SH2D4A: variants seen among roughly 807,000 people sequenced by gnomAD.
The protein encoded by SH2D4A is SH2 domain containing 4A, also known as SH2 domain-containing protein 4A.
SH2D4A carries 70 observed loss-of-function variants against 64.7 expected under a neutral mutation model. The observed-to-expected ratio is 1.08, with a 90% CI of 0.89 to 1.32. SH2D4A has a LOEUF of 1.32. Ranked by LOEUF, SH2D4A falls within the 40% of genes most tolerant of loss-of-function variation. The probability of loss-of-function intolerance (pLI) is 0.00; values close to 1 mark genes in which losing one functional copy is unlikely to be tolerated. For missense variants in SH2D4A, 706 were observed against 540.1 expected (o/e 1.31, Z -3.04); for synonymous variants, 268 against 200.7 (o/e 1.34, Z -2.83).
At chr8:19,325,561 C>CT (rs111494283) in intron 2 of SH2D4A, among the ~76,000 whole-genome samples, 4 of 152,150 alleles carry the variant, frequency 2.6e-5, no homozygotes, top group African/African-American at 9.7e-5. Context: ...TGGCGAACAT[C>CT]TTTTTTGGGT....
Position 19,326,953 on chromosome 8 carries a change from G to A in SH2D4A, c.182-6002G>A, listed in dbSNP as rs562262331. Among the ~76,000 whole-genome samples, 10 of 152,300 alleles carry A rather than the reference G, an allele frequency of 6.6e-5. No individual in the cohort carries two copies. In the East Asian group the frequency reaches 1.5e-3, roughly 24 times the overall value. ...ATCCAACTCAACAGTGCTGTGAGTG[G>A]CATCATGCTGCAATCTAGGACTGGA... On this transcript the variant is annotated intron_variant, in intron 2 of 9. Transcript: ENST00000265807.
chr8:19,319,384 G>C lies in SH2D4A; in HGVS notation c.-164G>C, dbSNP rs73667637. 4.7e-6 allele frequency: 6 copies of C among 1,278,712 alleles called. No individual in the cohort carries two copies. Among genetic ancestry groups the C allele is most frequent in the Non-Finnish European group, 5.9e-6 (6 of 1,011,340 alleles). The allele number at this position is 1,278,712 out of a possible 1,614,324, so 79.2% of individuals were successfully genotyped here. The stretch of plus-strand genomic sequence containing the variant: ...TTTTGGACAGGACATTTGGTGCCAG[G>C]TCTGAGTAGCCAGTTTGCTGAATTA... On this transcript the variant is annotated 5_prime_UTR_variant, in exon 2 of 10. Transcript: ENST00000265807.
At chr8:19,315,047 C>T (rs1467090082) in intron 1 of SH2D4A, among the ~76,000 whole-genome samples, 1 of 149,236 alleles carries the variant, frequency 6.7e-6, no homozygotes, top group Non-Finnish European at 1.5e-5. Flanking sequence ...TTTATTAGGT[C>T]GGTGCAAAAG....
At chr8:19,351,351 C>T (rs896396332) in intron 4 of SH2D4A, among the ~76,000 whole-genome samples, 1 of 152,106 alleles carries the variant, frequency 6.6e-6, no homozygotes, top group African/African-American at 2.4e-5. Flanking sequence ...TGCCTGTAAT[C>T]CCAGCACTTT....
chr8:19,381,589 T>C (rs184451749), intron 8 of SH2D4A, among the ~76,000 whole-genome samples: 30 of 152,346 alleles, frequency 2.0e-4, no homozygotes, highest in African/African-American at 7.2e-4. Flanking sequence ...CATAGACGAT[T>C]GTATCATCTG....
At chr8:19,389,736 G>A (rs1022231467) in intron 8 of SH2D4A, among the ~76,000 whole-genome samples, 43 of 152,128 alleles carry the variant, frequency 2.8e-4, no homozygotes, top group African/African-American at 8.2e-4. Context: ...GCAACATGGC[G>A]AAACCCCATC....
intron 1 of SH2D4A, among the ~76,000 whole-genome samples, chr8:19,314,552 G>A (rs2052054126): frequency 6.6e-6 from 1 of 152,200 alleles, no homozygotes; most frequent in South Asian, 2.1e-4. Context: ...ACCGGAAGGA[G>A]CTACAGTTTG....
At position 19,366,739 on chromosome 8, in the gene SH2D4A, C is replaced by T. The variant is rs536895909; in HGVS notation, c.917+2457C>T. 4.6e-5 allele frequency among the ~76,000 whole-genome samples: 7 copies of T among 152,242 alleles called. No homozygotes were observed. In the South Asian group the frequency reaches 1.5e-3, roughly 32 times the overall value. On this transcript the variant is annotated intron_variant, in intron 7 of 9. Transcript: ENST00000265807. ...CCCAGGAGGCGAAGGCTGTTGTGAG[C>T]CAAGATCACACCACTGCACTCCAGC... is the stretch of plus-strand genomic sequence containing the variant.
chr8:19,334,974 A>T, intron 4 of SH2D4A, 117 bp downstream of exon 4: 1 of 1,217,826 alleles, frequency 8.2e-7, no homozygotes, highest in East Asian at 2.5e-5. Context: ...TTCTTGGGAG[A>T]AATGCCTCCT....
At chr8:19,324,132 A>G (rs1236144624) in intron 2 of SH2D4A, among the ~76,000 whole-genome samples, 1 of 152,222 alleles carries the variant, frequency 6.6e-6, no homozygotes, top group Admixed American at 6.5e-5. Context: ...CGCGTCAGGA[A>G]TCTGCCACAG....
chr8:19,351,559 C>T (rs1383659388), intron 4 of SH2D4A, among the ~76,000 whole-genome samples: 1 of 151,856 alleles, frequency 6.6e-6, no homozygotes, highest in East Asian at 1.9e-4. Flanking sequence ...GCTGAGATCG[C>T]ACCACTGTAT....
chr8:19,376,911 C>T (rs1378335050), intron 8 of SH2D4A, among the ~76,000 whole-genome samples: 1 of 152,098 alleles, frequency 6.6e-6, no homozygotes, highest in Non-Finnish European at 1.5e-5. Flanking sequence ...AAAGATCATA[C>T]AAATTTTAAT....
chr8:19,322,837 G>A (rs1326884642), intron 2 of SH2D4A, among the ~76,000 whole-genome samples: 1 of 151,822 alleles, frequency 6.6e-6, no homozygotes, highest in East Asian at 1.9e-4. Context: ...ACCATGCCCA[G>A]CTAATTTTTG....
In SH2D4A at chr8:19,364,119, C is replaced by A; in HGVS notation, c.754C>A (p.Gln252Lys). The A allele has an allele frequency of 6.2e-7, 1 of 1,614,066 alleles. No individual in the cohort carries two copies. The highest frequency in any genetic ancestry group is 8.5e-7 in the Non-Finnish European group (1 of 1,179,986). ...TGAGAAGAGACGCTCCTTGGCTAAA[C>A]AAGCACGAGAAGACTACAAGAGGTT... ...ADEKRRSLAK[Q>K]AREDYKRLSL... Residue 252 changes from glutamine (Q) to lysine (K), a missense_variant, in exon 7 of 10, where the codon CAA (glutamine) becomes AAA (lysine). By Grantham distance (53) the Gln-to-Lys change is moderately conservative. Transcript: ENST00000265807.
intron 4 of SH2D4A, among the ~76,000 whole-genome samples, chr8:19,335,066 G>A (rs990996199): frequency 6.6e-6 from 1 of 151,944 alleles, no homozygotes; most frequent in Non-Finnish European, 1.5e-5. Flanking sequence ...GGCGGATCAC[G>A]AGGTCAGGAG....
intron 8 of SH2D4A, among the ~76,000 whole-genome samples, chr8:19,386,441 C>G (rs1219572852): frequency 1.3e-5 from 2 of 152,164 alleles, no homozygotes; most frequent in African/African-American, 4.8e-5. Flanking sequence ...GGGGAATAGC[C>G]CATTAGCTCC....
At chr8:19,331,915 T>A (rs2117204571) in intron 2 of SH2D4A, among the ~76,000 whole-genome samples, 1 of 152,196 alleles carries the variant, frequency 6.6e-6, no homozygotes, top group African/African-American at 2.4e-5. Context: ...AATACCTCCT[T>A]ATCTGAGGCA....
At chr8:19,333,227 G>C in intron 3 of SH2D4A, 113 bp downstream of exon 3, 1 of 1,198,232 alleles carries the variant, frequency 8.3e-7, no homozygotes, top group Non-Finnish European at 1.1e-6. Context: ...TGGGTTGGAG[G>C]GTCACAAAAG....
chr8:19,378,911 CAAAAAAA>C lies in SH2D4A; in HGVS notation c.1048+5265_1048+5271del, dbSNP rs375441883. Among the ~76,000 whole-genome samples the C allele has an allele frequency of 9.2e-4, 95 of 103,052 alleles. 3 individuals carry two copies. In the East Asian group the frequency reaches 0.023, roughly 25 times the overall value. The allele number at this position is 103,052 out of a possible 152,430, so 67.6% of individuals were successfully genotyped here. On this transcript the variant is annotated intron_variant, in intron 8 of 9. Transcript: ENST00000265807. Reference sequence around the variant, plus strand: ...AAAACATGGCAACACCCCATCTCTCCAAAAAAAAAAAAAAAAAAAATATTGCCAGGCA... The same window carrying C: ...AAAACATGGCAACACCCCATCTCTCCAAAAAAAAAAAAATATTGCCAGGCA...
Sources: gnomAD v4.1 joint callset for allele counts (sites outside exome capture counted in the v4.1 genomes callset) on GRCh38, gnomAD v4.1.1 for gene constraint, MANE v1.5 for transcripts, NCBI Gene and HGNC (gene_info 2026-07-23, HGNC 2026-07-21) for gene names.